The following ADAM23 variants were observed in gnomAD, a reference collection of about 807,000 sequenced individuals.
The protein encoded by ADAM23 is ADAM metallopeptidase domain 23.
A neutral mutation model predicts 120.1 loss-of-function variants in ADAM23; 33 were observed. The ratio of observed to expected loss-of-function variants is 0.27; its 90% confidence interval spans 0.21 to 0.37. The LOEUF is 0.37. ADAM23 is among the 10% of genes least tolerant of loss of function. ADAM23 has a pLI of 1.00. For synonymous variants in ADAM23, 367 were observed against 375.2 expected (o/e 0.98, Z 0.25); for missense variants, 862 against 1,058.2 (o/e 0.81, Z 2.57).
At chr2:206,475,211 G>T (rs750721699) in intron 2 of ADAM23, among the ~76,000 whole-genome samples, 5 of 152,162 alleles carry the variant, frequency 3.3e-5, no homozygotes, top group Non-Finnish European at 7.3e-5. Flanking sequence ...TGTAAGAAAT[G>T]TGAGGCATTA....
intron 4 of ADAM23, among the ~76,000 whole-genome samples, chr2:206,532,116 G>T (rs1164513555): frequency 1.3e-5 from 2 of 152,162 alleles, no homozygotes; most frequent in Non-Finnish European, 2.9e-5. Flanking sequence ...AAAGTGAGCA[G>T]AAAAGCTAAA....
At chr2:206,609,009 T>C (rs1172405131) in intron 24 of ADAM23, among the ~76,000 whole-genome samples, 1 of 152,192 alleles carries the variant, frequency 6.6e-6, no homozygotes, top group Non-Finnish European at 1.5e-5. Context: ...GTAATTATTA[T>C]ACTAGGTTTA....
intron 20 of ADAM23, 30 bp downstream of exon 20, chr2:206,588,184 C>A: frequency 6.2e-7 from 1 of 1,609,294 alleles, no homozygotes; most frequent in Non-Finnish European, 8.5e-7. Flanking sequence ...TTGGCGGTTA[C>A]ACATACCATT....
At chr2:206,478,159 G>T (rs956422116) in intron 2 of ADAM23, among the ~76,000 whole-genome samples, 2 of 151,722 alleles carry the variant, frequency 1.3e-5, no homozygotes, top group Non-Finnish European at 2.9e-5. Flanking sequence ...AGAAGAATCT[G>T]TACTGTCTAA....
At chr2:206,523,407 A>G (rs1163831009) in intron 3 of ADAM23, among the ~76,000 whole-genome samples, 2 of 152,220 alleles carry the variant, frequency 1.3e-5, no homozygotes, top group African/African-American at 2.4e-5. Context: ...CTTGCCGGGC[A>G]TGCCATCTTT....
intron 2 of ADAM23, among the ~76,000 whole-genome samples, chr2:206,460,020 C>T (rs897329788): frequency 6.6e-6 from 1 of 152,164 alleles, no homozygotes; most frequent in Non-Finnish European, 1.5e-5. Flanking sequence ...TCACACATAT[C>T]AGGCAGAATG....
chr2:206,556,094 C>T (rs911087851), intron 9 of ADAM23, among the ~76,000 whole-genome samples: 1 of 151,954 alleles, frequency 6.6e-6, no homozygotes, highest in African/African-American at 2.4e-5. Context: ...CAAATATAGA[C>T]AGTTTGGGTC....
chr2:206,562,439 C>A, intron 13 of ADAM23, 146 bp downstream of exon 13: 1 of 616,752 alleles, frequency 1.6e-6, no homozygotes, highest in Non-Finnish European at 2.7e-6. Context: ...AGAAAATAAG[C>A]AACTTAAGGT....
chr2:206,516,315 T>C (rs1013806923), intron 3 of ADAM23, among the ~76,000 whole-genome samples: 5 of 151,548 alleles, frequency 3.3e-5, no homozygotes, highest in African/African-American at 9.7e-5. Context: ...ATAAAGATAA[T>C]GTAAATGCGT....
intron 10 of ADAM23, among the ~76,000 whole-genome samples, chr2:206,559,339 A>G (rs1052198612): frequency 3.3e-5 from 5 of 151,972 alleles, no homozygotes; most frequent in Admixed American, 2.6e-4. Flanking sequence ...GGCCAAAAAT[A>G]GAGAGAGAGC....
intron 3 of ADAM23, among the ~76,000 whole-genome samples, chr2:206,495,694 G>A (rs1574496966): frequency 6.6e-6 from 1 of 151,998 alleles, no homozygotes; most frequent in African/African-American, 2.4e-5. Flanking sequence ...CAATTAAAAG[G>A]CACAGACTGG....
intron 3 of ADAM23, among the ~76,000 whole-genome samples, chr2:206,514,430 G>A (rs893859457): frequency 5.3e-5 from 8 of 152,262 alleles, no homozygotes; most frequent in African/African-American, 1.9e-4. Flanking sequence ...AGTAAGAGAG[G>A]AACAACTAGA....
At chr2:206,614,618 C>T (rs1334743731) in intron 25 of ADAM23, among the ~76,000 whole-genome samples, 1 of 151,864 alleles carries the variant, frequency 6.6e-6, no homozygotes, top group Non-Finnish European at 1.5e-5. Flanking sequence ...CGCCATTGCA[C>T]TCCAGCCTGG....
In ADAM23 at chr2:206,481,305, A is replaced by G; in HGVS notation, c.506A>G (p.Asn169Ser). Residue 169 changes from asparagine to serine, a missense_variant, in exon 3 of 26, where the codon AAC becomes AGC. Transcript: ENST00000264377. ...GSKFILDLIL[N>S]NGLLSSDYVE... ...AAATTCATTCTTGACCTCATACTGA[A>G]CAAGTGAGTATTTAGACATAATCTT... is the stretch of plus-strand genomic sequence containing the variant. 1 of 1,602,524 alleles carries G rather than the reference A, an allele frequency of 6.2e-7. No homozygotes were observed.
chr2:206,611,191 C>T (rs1341311939), intron 25 of ADAM23, among the ~76,000 whole-genome samples: 2 of 151,990 alleles, frequency 1.3e-5, no homozygotes, highest in Non-Finnish European at 2.9e-5. Context: ...TTTGGAGTGC[C>T]TTTAACTTGA....
rs991657680 is a variant in ADAM23 at position 206,459,192 on chromosome 2, C to T, written c.432+13668C>T. 3.9e-5 allele frequency among the ~76,000 whole-genome samples: 6 copies of T among 152,152 alleles called. No individual in the cohort carries two copies. In the South Asian group the frequency reaches 8.3e-4, roughly 21 times the overall value. ...GACTGTAGTTAGAAGCATTTATCAC[C>T]GTTGGGCTGCATAAGTACTGTCACT... On this transcript the variant is annotated intron_variant, in intron 2 of 25. Transcript: ENST00000264377.
intron 15 of ADAM23, among the ~76,000 whole-genome samples, chr2:206,568,820 T>A (rs779383905): frequency 3.3e-5 from 5 of 152,212 alleles, no homozygotes; most frequent in South Asian, 2.1e-4. Context: ...CCTTTTTTTT[T>A]AAATCAGTAA....
At chr2:206,457,299 C>A (rs764809107) in intron 2 of ADAM23, among the ~76,000 whole-genome samples, 2 of 152,170 alleles carry the variant, frequency 1.3e-5, no homozygotes, top group African/African-American at 4.8e-5. Flanking sequence ...GGAAATGCAA[C>A]CAGAGAATGA....
chr2:206,483,442 C>T (rs1695939019), intron 3 of ADAM23, among the ~76,000 whole-genome samples: 1 of 151,954 alleles, frequency 6.6e-6, no homozygotes, highest in African/African-American at 2.4e-5. Flanking sequence ...AGATAGTAGA[C>T]TTGGTAGGTA....
Sources: allele counts gnomAD v4.1 joint callset (sites outside exome capture counted in the v4.1 genomes callset), GRCh38; gene constraint gnomAD v4.1.1; transcripts MANE v1.5; gene names NCBI Gene and HGNC (gene_info 2026-07-23, HGNC 2026-07-21).